HECW1: variants seen among roughly 807,000 people sequenced by gnomAD.
HECW1 encodes the protein E3 ubiquitin-protein ligase HECW1.
In HECW1, 61 loss-of-function variants were observed where a neutral mutation model predicts 182.3. The observed-to-expected ratio is 0.33, with a 90% CI of 0.27 to 0.41. HECW1 has a LOEUF of 0.41. HECW1 is among the 10% of genes least tolerant of loss of function. The probability of loss-of-function intolerance (pLI) is 1.00; values close to 1 mark genes in which losing one functional copy is unlikely to be tolerated. For synonymous variants in HECW1, 859 were observed against 832.6 expected, an observed-to-expected ratio of 1.03 and a Z score of -0.55; for missense variants, 1,739 against 2,108.9, an observed-to-expected ratio of 0.82 and a Z score of 3.44.
intron 2 of HECW1, among the ~76,000 whole-genome samples, chr7:43,240,810 C>G (rs1305044510): frequency 6.6e-6 from 1 of 152,142 alleles, no homozygotes; most frequent in Non-Finnish European, 1.5e-5. Flanking sequence ...GTGCGGCAGC[C>G]AGGACCTATG....
chr7:43,353,571 G>A (rs1814722498), intron 5 of HECW1, among the ~76,000 whole-genome samples: 1 of 152,012 alleles, frequency 6.6e-6, no homozygotes, highest in South Asian at 2.1e-4. Flanking sequence ...GGGCCACAAA[G>A]CAGTGAAAAA....
At chr7:43,129,279 G>A (rs1302211674) in intron 2 of HECW1, among the ~76,000 whole-genome samples, 1 of 152,056 alleles carries the variant, frequency 6.6e-6, no homozygotes, top group Non-Finnish European at 1.5e-5. Flanking sequence ...AAATTACCAC[G>A]GTCACCCAAC....
At chr7:43,202,147 A>G (rs924231682) in intron 2 of HECW1, among the ~76,000 whole-genome samples, 5 of 152,216 alleles carry the variant, frequency 3.3e-5, no homozygotes, top group Non-Finnish European at 2.9e-5. Context: ...CAAGGGCTAC[A>G]GAGGTTGAGT....
intron 3 of HECW1, among the ~76,000 whole-genome samples, chr7:43,306,392 T>A (rs981764976): frequency 2.1e-5 from 3 of 144,554 alleles, no homozygotes; most frequent in Non-Finnish European, 4.5e-5. Context: ...TTTTTTTTTT[T>A]AAATCCCATT....
At chr7:43,291,624 CACTT>C (rs550641793) in intron 3 of HECW1, among the ~76,000 whole-genome samples, 166 of 152,340 alleles carry the variant, frequency 1.1e-3, no homozygotes, top group African/African-American at 3.7e-3. Context: ...CTATTTCTAA[CACTT>C]ACGATTTATT....
At chr7:43,405,066 A>G (rs2075560708) in intron 7 of HECW1, among the ~76,000 whole-genome samples, 1 of 152,198 alleles carries the variant, frequency 6.6e-6, no homozygotes, top group Non-Finnish European at 1.5e-5. Flanking sequence ...AGCCCTGACA[A>G]TCTGTAAGCC....
chr7:43,430,779 T>TTTATTATTATTATTATTATTATTA (rs150459406), intron 8 of HECW1, among the ~76,000 whole-genome samples: 20,657 of 141,488 alleles, frequency 0.15, 1,883 homozygotes, highest in East Asian at 0.32. Context: ...TTTATTTTTC[T>TTTATTATTATTATTATTATTATTA]TTATTATTAT....
intron 3 of HECW1, among the ~76,000 whole-genome samples, chr7:43,294,939 C>T (rs1365071921): frequency 3.3e-5 from 5 of 152,072 alleles, no homozygotes; most frequent in Admixed American, 2.6e-4. Context: ...GTAAGATGTA[C>T]ATTGTATAAT....
intron 3 of HECW1, among the ~76,000 whole-genome samples, chr7:43,262,404 G>C (rs576166268): frequency 6.6e-6 from 1 of 152,048 alleles, no homozygotes; most frequent in Non-Finnish European, 1.5e-5. Flanking sequence ...ACAAGGTATT[G>C]ATGATATTAT....
intron 2 of HECW1, among the ~76,000 whole-genome samples, chr7:43,231,478 T>C (rs1249689686): frequency 2.6e-5 from 4 of 152,212 alleles, no homozygotes; most frequent in African/African-American, 9.7e-5. Context: ...CTTAGTGCCT[T>C]CACGGAGACT....
intron 24 of HECW1, chr7:43,509,769 A>G (rs1440562740): frequency 6.6e-6 from 1 of 152,236 alleles, no homozygotes; most frequent in Non-Finnish European, 1.5e-5. Flanking sequence ...GCATCACCAC[A>G]TGCCTGATTT....
chr7:43,558,411 G>A (rs2082100425), intron 29 of HECW1, among the ~76,000 whole-genome samples: 1 of 152,190 alleles, frequency 6.6e-6, no homozygotes, highest in South Asian at 2.1e-4. Context: ...CAGACCCAGG[G>A]TGGAGTTGGA....
intron 21 of HECW1, among the ~76,000 whole-genome samples, chr7:43,501,961 G>A (rs575782719): frequency 1.3e-5 from 2 of 152,336 alleles, no homozygotes; most frequent in East Asian, 3.9e-4. Context: ...AGCCATGCCT[G>A]TTCTATGCTA....
intron 6 of HECW1, among the ~76,000 whole-genome samples, chr7:43,375,890 CAAAAAAAAA>C (rs71011911): frequency 3.9e-5 from 4 of 102,894 alleles, no homozygotes; most frequent in Non-Finnish European, 7.7e-5. Context: ...AGACCCTTCT[CAAAAAAAAA>C]AAAAAAAAGG....
chr7:43,392,525 A>G (rs1353215184), intron 6 of HECW1, among the ~76,000 whole-genome samples: 2 of 152,238 alleles, frequency 1.3e-5, no homozygotes, highest in African/African-American at 4.8e-5. Context: ...TTTTTAAAAT[A>G]AAGACAATTT....
intron 24 of HECW1, among the ~76,000 whole-genome samples, chr7:43,534,245 C>G (rs1000439437): frequency 7.2e-5 from 11 of 152,176 alleles, no homozygotes; most frequent in African/African-American, 2.7e-4. Context: ...ATCCCGCTTC[C>G]CCTTCCATAA....
intron 24 of HECW1, among the ~76,000 whole-genome samples, chr7:43,531,275 G>T (rs1325097052): frequency 6.6e-6 from 1 of 152,160 alleles, no homozygotes; most frequent in East Asian, 1.9e-4. Flanking sequence ...AACCCCGCCA[G>T]AGCCAAGCTA....
chr7:43,538,326 G>A (rs1402452275), intron 24 of HECW1, among the ~76,000 whole-genome samples: 1 of 152,198 alleles, frequency 6.6e-6, no homozygotes, highest in East Asian at 1.9e-4. Context: ...CCTGACCCTG[G>A]ATTCCTTGAG....
intron 2 of HECW1, among the ~76,000 whole-genome samples, chr7:43,177,435 T>A (rs1037430158): frequency 6.6e-6 from 1 of 152,200 alleles, no homozygotes; most frequent in African/African-American, 2.4e-5. Context: ...CCCAGGGCAG[T>A]CTGGACTGAG....
Sources: allele counts gnomAD v4.1 joint callset (sites outside exome capture counted in the v4.1 genomes callset), GRCh38; gene constraint gnomAD v4.1.1; transcripts MANE v1.5; gene names NCBI Gene and HGNC (gene_info 2026-07-23, HGNC 2026-07-21).